The following CENPP variants were observed in gnomAD, a reference collection of about 807,000 sequenced individuals.
CENPP encodes centromere protein P.
Under a neutral mutation model 35.6 loss-of-function variants are expected in CENPP, and 24 were observed. The observed-to-expected ratio is 0.67, with a 90% CI of 0.49 to 0.95. CENPP has a LOEUF of 0.95. Ranked by LOEUF, CENPP falls within the 40% of genes least tolerant of loss-of-function variation. The pLI, the probability that CENPP is intolerant of heterozygous loss-of-function variation, is 0.00. For missense variants in CENPP, 332 were observed against 345.3 expected (o/e 0.96, Z 0.31); for synonymous variants, 120 against 125.5 (o/e 0.96, Z 0.29).
chr9:92,430,035 C>T (rs988252042), intron 5 of CENPP, among the ~76,000 whole-genome samples: 1 of 152,310 alleles, frequency 6.6e-6, no homozygotes, highest in Non-Finnish European at 1.5e-5. Flanking sequence ...TCCTCAGGCA[C>T]AGATGTGATT....
chr9:92,573,468 C>A (rs1456341735), intron 5 of CENPP, among the ~76,000 whole-genome samples: 2 of 152,180 alleles, frequency 1.3e-5, no homozygotes, highest in African/African-American at 4.8e-5. Flanking sequence ...GAAGCTTTGT[C>A]TCAGAGGGGC....
At chr9:92,429,172 T>A (rs1421345686) in intron 5 of CENPP, among the ~76,000 whole-genome samples, 1 of 152,174 alleles carries the variant, frequency 6.6e-6, no homozygotes, top group Non-Finnish European at 1.5e-5. Context: ...TACCCTCCAA[T>A]GTGCATCTTC....
At chr9:92,551,093 C>T (rs1462066082) in intron 5 of CENPP, among the ~76,000 whole-genome samples, 2 of 152,080 alleles carry the variant, frequency 1.3e-5, no homozygotes, top group Non-Finnish European at 2.9e-5. Context: ...AGAGCATTTC[C>T]TGGGGAGGTG....
At position 92,615,855 on chromosome 9, in the gene CENPP, T is replaced by A. The variant is rs749757732; in HGVS notation, c.*2706T>A. 1.2e-6 allele frequency: 2 copies of A among 1,613,944 alleles called. No homozygotes were observed. Among genetic ancestry groups the A allele is most frequent in the South Asian group, 2.2e-5 (2 of 91,078 alleles). On this transcript the variant is annotated 3_prime_UTR_variant, in exon 8 of 8. Coordinates refer to ENST00000375587, the MANE Select transcript of CENPP (RefSeq NM_001012267.3). ...AGTTAGACCTTGTGGAGAACTAATG[T>A]GCAATCTTCGCTTTCCTTGAACCGA...
In CENPP at chr9:92,618,296, C is replaced by T; in HGVS notation, c.*5147C>T. 1 of 456,714 alleles carries T rather than the reference C, an allele frequency of 2.2e-6. No homozygotes were observed. The highest frequency in any genetic ancestry group is 4.4e-6 in the Non-Finnish European group (1 of 226,968). 28.3% of individuals were successfully genotyped at this position (456,714 alleles called of 1,614,324 possible). A position where few individuals can be genotyped will look rare whatever the true frequency, so the allele number is the denominator to read the frequency against. ...CATGGCTCAGTGCCTTCAGGACATGCCCTCCCCTCCCCTCCTAGTGTCGTT... is the reference window on the plus strand; with the variant it reads ...CATGGCTCAGTGCCTTCAGGACATGTCCTCCCCTCCCCTCCTAGTGTCGTT... On this transcript the variant is annotated 3_prime_UTR_variant, in exon 8 of 8. Transcript: ENST00000375587.
intron 5 of CENPP, among the ~76,000 whole-genome samples, chr9:92,447,914 A>G (rs1421451913): frequency 6.6e-6 from 1 of 152,138 alleles, no homozygotes; most frequent in Non-Finnish European, 1.5e-5. Flanking sequence ...ATGCCACCAG[A>G]TGTTTAAGTT....
chr9:92,500,594 T>A (rs761376675), intron 5 of CENPP: 4 of 833,554 alleles, frequency 4.8e-6, no homozygotes, highest in Non-Finnish European at 7.4e-6. Context: ...CATTTGCCAA[T>A]CTTGTTTAAT....
chr9:92,415,032 T>G (rs1357256640), intron 5 of CENPP: 2 of 722,560 alleles, frequency 2.8e-6, no homozygotes, highest in Admixed American at 7.2e-5. Flanking sequence ...AATTCAATTC[T>G]GATCTTATAC....
chr9:92,518,142 A>C (rs548026988), intron 5 of CENPP, among the ~76,000 whole-genome samples: 1 of 152,298 alleles, frequency 6.6e-6, no homozygotes, highest in African/African-American at 2.4e-5. Context: ...TTTTGTATCC[A>C]TCAGGATAGA....
At chr9:92,343,289 T>C (rs908050837) in intron 3 of CENPP, among the ~76,000 whole-genome samples, 2 of 152,190 alleles carry the variant, frequency 1.3e-5, no homozygotes, top group Non-Finnish European at 2.9e-5. Context: ...GCAGCTATTG[T>C]TGTCCAAGGT....
intron 5 of CENPP, among the ~76,000 whole-genome samples, chr9:92,609,273 A>C (rs1221781284): frequency 6.6e-6 from 1 of 152,212 alleles, no homozygotes; most frequent in African/African-American, 2.4e-5. Context: ...GGCCTCCCAC[A>C]CTGGCAAGAG....
At chr9:92,538,837 A>G (rs945508748) in intron 5 of CENPP, among the ~76,000 whole-genome samples, 9 of 152,232 alleles carry the variant, frequency 5.9e-5, no homozygotes, top group African/African-American at 2.2e-4. Flanking sequence ...CCACAGGGCC[A>G]TCTGCCTATG....
chr9:92,366,038 G>T (rs796412678), intron 4 of CENPP, among the ~76,000 whole-genome samples: 1 of 151,990 alleles, frequency 6.6e-6, no homozygotes, highest in African/African-American at 2.4e-5. Flanking sequence ...AAATTAGCCA[G>T]GCGCGGTGGC....
At chr9:92,569,965 T>A (rs1268289178) in intron 5 of CENPP, among the ~76,000 whole-genome samples, 1 of 152,214 alleles carries the variant, frequency 6.6e-6, no homozygotes, top group Non-Finnish European at 1.5e-5. Flanking sequence ...GCTTATCAGC[T>A]TAAGGAGATT....
intron 5 of CENPP, among the ~76,000 whole-genome samples, chr9:92,480,818 C>T (rs1460699327): frequency 1.3e-5 from 2 of 152,092 alleles, no homozygotes; most frequent in East Asian, 3.9e-4. Context: ...ATATATTTCA[C>T]CGAAGGAATC....
intron 5 of CENPP, among the ~76,000 whole-genome samples, chr9:92,505,233 C>T (rs904572235): frequency 1.1e-4 from 17 of 152,164 alleles, no homozygotes; most frequent in African/African-American, 3.9e-4. Flanking sequence ...TCTTGAGAGT[C>T]AGAGTACCTC....
At chr9:92,487,567 A>G (rs1289683197) in intron 5 of CENPP, among the ~76,000 whole-genome samples, 1 of 152,238 alleles carries the variant, frequency 6.6e-6, no homozygotes, top group Non-Finnish European at 1.5e-5. Flanking sequence ...ACCACAGTGA[A>G]ACCTCCAATA....
At chr9:92,345,869 CTTAG>C in intron 4 of CENPP, 82 bp downstream of exon 4, 1 of 781,398 alleles carries the variant, frequency 1.3e-6, no homozygotes, top group Non-Finnish European at 2.1e-6. Context: ...TTTTCCTCTT[CTTAG>C]TAAGTAAATA....
chr9:92,356,667 G>C (rs1471585043), intron 4 of CENPP, among the ~76,000 whole-genome samples: 1 of 152,190 alleles, frequency 6.6e-6, no homozygotes, highest in Non-Finnish European at 1.5e-5. Context: ...CACAATTTAT[G>C]TTCAGAGATT....
Sources: allele counts gnomAD v4.1 joint callset (sites outside exome capture counted in the v4.1 genomes callset), GRCh38; gene constraint gnomAD v4.1.1; transcripts MANE v1.5; gene names NCBI Gene and HGNC (gene_info 2026-07-23, HGNC 2026-07-21).